ADAMTS13: variants seen among roughly 807,000 people sequenced by gnomAD.
ADAMTS13 encodes ADAM metallopeptidase with thrombospondin type 1 motif 13.
Under a neutral mutation model 155.1 loss-of-function variants are expected in ADAMTS13, and 110 were observed. The ratio of observed to expected loss-of-function variants is 0.71; its 90% CI spans 0.61 to 0.83. The LOEUF (loss-of-function observed/expected upper bound fraction) is 0.83. Among genes scored for constraint, ADAMTS13 ranks in the 40% least tolerant of loss-of-function variants. The pLI, the probability that ADAMTS13 is intolerant of heterozygous loss-of-function variation, is 0.00. For synonymous variants in ADAMTS13, 758 were observed against 756.4 expected (o/e 1.00, Z -0.03); for missense variants, 1,707 against 1,891.7 (o/e 0.90, Z 1.81).
Position 133,432,545 on chromosome 9 carries a change from C to T in ADAMTS13, c.988-43C>T, listed in dbSNP as rs782702169. ...AGGTTGGACACTGGCCTGGAAGGCC[C>T]TGGTGGCCCCTGAGCTCGCCACCCA... is the stretch of plus-strand genomic sequence containing the variant. On this transcript the variant is annotated intron_variant, in intron 8 of 28. Transcript: ENST00000355699. 32 of 1,514,680 alleles carry T rather than the reference C, an allele frequency of 2.1e-5. No homozygotes were observed. In the South Asian group the frequency reaches 3.5e-4, roughly 16 times the overall value. 93.8% of individuals were successfully genotyped at this position (1,514,680 alleles called of 1,614,324 possible). A position where few individuals can be genotyped will look rare whatever the true frequency, so the allele number is the denominator to read the frequency against.
At chr9:133,417,148 A>ACTAC (rs782250168), upstream of ADAMTS13, among the ~76,000 whole-genome samples, 37 of 152,282 alleles carry the variant, frequency 2.4e-4, no homozygotes, top group Non-Finnish European at 3.8e-4. Context: ...AGTAGCTGCG[A>ACTAC]CTACCGGCGC....
Position 133,459,263 on chromosome 9 carries a change from C to A in ADAMTS13, c.*83C>A. The stretch of plus-strand genomic sequence containing the variant: ...CAGTGCTTTCCAATTCGAACTTTTT[C>A]CAATCTTAGGTATCTACTTTAGAGT... On this transcript the variant is annotated 3_prime_UTR_variant, in exon 29 of 29. Transcript: ENST00000355699. 2 of 1,355,192 alleles carry A rather than the reference C, an allele frequency of 1.5e-6. No homozygotes were observed. Among genetic ancestry groups the A allele is most frequent in the South Asian group, 2.5e-5 (2 of 79,556 alleles). The allele number at this position is 1,355,192 out of a possible 1,614,324, so 83.9% of individuals were successfully genotyped here.
In ADAMTS13 at chr9:133,425,442, C is replaced by A; in HGVS notation, c.331-87C>A. On this transcript the variant is annotated intron_variant, in intron 3 of 28. Transcript: ENST00000355699. The surrounding 1 kb of genome is among the most constrained non-coding windows in gnomAD (Gnocchi z 4.6). ...GTGGAGTAGCCTCTCCAGCTCTTCA[C>A]ACTCCGGGGGCCCCTGGGAGTCAGC... 1 of 1,232,000 alleles carries A rather than the reference C, an allele frequency of 8.1e-7. No individual in the cohort carries two copies. The highest frequency in any genetic ancestry group is 1.2e-6 in the Non-Finnish European group (1 of 865,526). The allele number at this position is 1,232,000 out of a possible 1,614,324, so 76.3% of individuals were successfully genotyped here. A position where few individuals can be genotyped will look rare whatever the true frequency, so the allele number is the denominator to read the frequency against.
At chr9:133,458,229 C>A in intron 28 of ADAMTS13, 135 bp downstream of exon 28, 1 of 1,078,068 alleles carries the variant, frequency 9.3e-7, no homozygotes, top group Non-Finnish European at 1.3e-6. Context: ...GAGAAGATAG[C>A]TTCCTCCACA....
intron 21 of ADAMTS13, among the ~76,000 whole-genome samples, chr9:133,447,374 C>T (rs1554792955): frequency 6.6e-6 from 1 of 152,090 alleles, no homozygotes; most frequent in Non-Finnish European, 1.5e-5. Flanking sequence ...TCACTACAAC[C>T]TCCACCACCT....
At chr9:133,436,695 A>G (rs971482286) in intron 11 of ADAMTS13, 134 bp from the exon 12 acceptor site, 2 of 908,522 alleles carry the variant, frequency 2.2e-6, no homozygotes, top group Admixed American at 2.1e-5. Context: ...CAGAGCAGGG[A>G]ACCGAGGCAC....
chr9:133,457,883 TCCTATGTC>T lies in ADAMTS13; in HGVS notation c.3725-16_3725-9del, dbSNP rs782466450. ...TCTGGCACCACCGGTCTGTCTGGGT[TCCTATGTC>T]CCTATGTCCCACCTGCAGAATGTGA... On this transcript the variant is annotated intron_variant, in intron 27 of 28. Transcript: ENST00000355699. 1.3e-5 allele frequency: 21 copies of T among 1,613,608 alleles called. No individual in the cohort carries two copies. Among genetic ancestry groups the T allele is most frequent in the Admixed American group, 5.0e-5 (3 of 60,034 alleles).
chr9:133,437,719 A>C (rs1554789472), intron 12 of ADAMTS13, 30 bp from the exon 13 acceptor site: 1 of 1,613,332 alleles, frequency 6.2e-7, no homozygotes, highest in Non-Finnish European at 8.5e-7. Context: ...TGCTCGGTTC[A>C]GGACACCCTT....
At chr9:133,438,119 A>G (rs965343496) in intron 13 of ADAMTS13, 127 bp from the exon 14 acceptor site, 3 of 1,542,310 alleles carry the variant, frequency 1.9e-6, no homozygotes, top group Non-Finnish European at 2.7e-6. Flanking sequence ...TCCTGTGTAG[A>G]TGGTGGGGTG....
At position 133,441,354 on chromosome 9, in the gene ADAMTS13, C is replaced by T. The variant is rs1841660250; in HGVS notation, c.1968+829C>T. ...TCTCTTCCCCTGATATGGTTCCCTT[C>T]CTCCCCTCCCCTTGCCTGGGACATT... is the stretch of plus-strand genomic sequence containing the variant. On this transcript the variant is annotated intron_variant, in intron 16 of 28. Transcript: ENST00000355699. The surrounding 1 kb of genome is among the most constrained non-coding windows in gnomAD (Gnocchi z 5.0). Among the ~76,000 whole-genome samples the T allele has an allele frequency of 6.6e-6, 1 of 152,216 alleles. No individual in the cohort carries two copies. The highest frequency in any genetic ancestry group is 6.5e-5 in the Admixed American group (1 of 15,290).
At chr9:133,452,546 A>T (rs1456624347) in intron 23 of ADAMTS13, among the ~76,000 whole-genome samples, 1 of 152,004 alleles carries the variant, frequency 6.6e-6, no homozygotes, top group African/African-American at 2.4e-5. Flanking sequence ...ATGATCTGGG[A>T]TTTTATGGGA....
chr9:133,440,122 CCCTGAG>C lies in ADAMTS13; in HGVS notation c.1787-217_1787-212del, dbSNP rs1757062987. Among the ~76,000 whole-genome samples, 3 of 152,240 alleles carry C rather than the reference CCCTGAG, an allele frequency of 2.0e-5. No homozygotes were observed. The highest frequency in any genetic ancestry group is 7.2e-5 in the African/African-American group (3 of 41,472). On this transcript the variant is annotated intron_variant, in intron 15 of 28. Transcript: ENST00000355699. The surrounding 1 kb of genome is among the most constrained non-coding windows in gnomAD (Gnocchi z 4.3). ...CGGCACTTGCCATGGGGTCCCTGAG[CCCTGAG>C]CCTGTTGAGTTCTGTGCGTGAGTGC...
intron 21 of ADAMTS13, among the ~76,000 whole-genome samples, chr9:133,446,781 C>T (rs1382542999): frequency 6.6e-6 from 1 of 152,242 alleles, no homozygotes; most frequent in Non-Finnish European, 1.5e-5. Flanking sequence ...CACCATTTTA[C>T]ATTTCCACTA....
At chr9:133,432,521 G>C in intron 8 of ADAMTS13, 67 bp from the exon 9 acceptor site, 1 of 1,365,286 alleles carries the variant, frequency 7.3e-7, no homozygotes, top group South Asian at 1.2e-5. Flanking sequence ...GGACAGTTAA[G>C]GTTGGACACT....
chr9:133,428,622 C>T lies in ADAMTS13; in HGVS notation c.687-12C>T, dbSNP rs1489487475. On this transcript the variant is annotated splice_polypyrimidine_tract_variant and intron_variant, in intron 6 of 28. Coordinates refer to ENST00000355699, the MANE Select transcript of ADAMTS13 (RefSeq NM_139027.6). ...CCGGCCGCCTTAGCGCAACTCCCCG[C>T]CCCCCGACCAGCTTCGGCCTGGAGC... The T allele has an allele frequency of 5.4e-6, 7 of 1,306,932 alleles. No individual in the cohort carries two copies. Among genetic ancestry groups the T allele is most frequent in the African/African-American group, 1.6e-5 (1 of 64,278 alleles). 81.0% of individuals were successfully genotyped at this position (1,306,932 alleles called of 1,614,324 possible). A position where few individuals can be genotyped will look rare whatever the true frequency, so the allele number is the denominator to read the frequency against.
chr9:133,418,284 G>C (rs1588145311), upstream of ADAMTS13, among the ~76,000 whole-genome samples: 2 of 152,374 alleles, frequency 1.3e-5, no homozygotes, highest in Non-Finnish European at 2.9e-5. Context: ...GGGCAGCTGA[G>C]CTGGGGGCAC....
rs112884440 is a variant in ADAMTS13, at chr9:133,452,423, T to TTGTA, written c.3045-1991_3045-1988dup. 1.9e-4 allele frequency among the ~76,000 whole-genome samples: 29 copies of TTGTA among 152,308 alleles called. 1 individual carries two copies. The highest frequency in any genetic ancestry group is 6.5e-4 in the African/African-American group (27 of 41,578). ...TGCCCATACAAAATTGTTTTAAATG[T>TTGTA]TGTAGCTTTATAACCATTTAACATC... On this transcript the variant is annotated intron_variant, in intron 23 of 28. Coordinates refer to ENST00000355699, the MANE Select transcript of ADAMTS13 (RefSeq NM_139027.6).
chr9:133,443,630 C>G, intron 19 of ADAMTS13, 69 bp downstream of exon 19: 2 of 1,439,008 alleles, frequency 1.4e-6, no homozygotes, highest in Non-Finnish European at 1.8e-6. Context: ...GCTGAGCCCC[C>G]ATCCTTCTGA....
At chr9:133,414,726 G>A (rs782234380) in intron 1 of ADAMTS13, 9 of 1,613,968 alleles carry the variant, frequency 5.6e-6, no homozygotes, top group East Asian at 4.5e-5. Flanking sequence ...ATGTCCCCTC[G>A]TTCTGGAACA....
Sources: allele counts gnomAD v4.1 joint callset (sites outside exome capture counted in the v4.1 genomes callset), GRCh38; gene constraint gnomAD v4.1.1; non-coding constraint Gnocchi (gnomAD v3.1); transcripts MANE v1.5; gene names NCBI Gene and HGNC (gene_info 2026-07-23, HGNC 2026-07-21).